The following DENND1B variants were observed in gnomAD, a reference collection of about 807,000 sequenced individuals.
DENND1B encodes the protein DENN domain-containing protein 1B.
In DENND1B, 59 loss-of-function variants were observed where a neutral mutation model predicts 90.1. The ratio of observed to expected loss-of-function variants is 0.65; its 90% CI spans 0.53 to 0.81. DENND1B has a LOEUF of 0.81. Ranked by LOEUF, DENND1B falls within the 40% of genes least tolerant of loss-of-function variation. DENND1B has a pLI of 0.00. For synonymous variants in DENND1B, 337 were observed against 324.6 expected, an observed-to-expected ratio of 1.04 and a Z score of -0.41; for missense variants, 862 against 912.6, an observed-to-expected ratio of 0.94 and a Z score of 0.71.
intron 20 of DENND1B, among the ~76,000 whole-genome samples, chr1:197,534,610 G>A (rs974219189): frequency 6.6e-6 from 1 of 152,112 alleles, no homozygotes; most frequent in African/African-American, 2.4e-5. Context: ...GGCCTTAACA[G>A]CTTCTTAACT....
Position 197,505,796 on chromosome 1 carries a change from A to G in DENND1B, c.*4664T>C, listed in dbSNP as rs1667703146. ...TTCATCACAAAGGATACTACAATCC[A>G]CATATGTAATCATCAGCATACAAAT... is the stretch of plus-strand genomic sequence containing the variant. On this transcript the variant is annotated 3_prime_UTR_variant, in exon 23 of 23. Coordinates refer to ENST00000620048, the MANE Select transcript of DENND1B (RefSeq NM_001195215.2). 6.6e-6 allele frequency: 1 copy of G among 151,734 alleles called. No individual in the cohort carries two copies. The highest frequency in any genetic ancestry group is 2.1e-4 in the South Asian group (1 of 4,834). The allele number at this position is 151,734 out of a possible 1,614,324, so 9.4% of individuals were successfully genotyped here. A position where few individuals can be genotyped will look rare whatever the true frequency, so the allele number is the denominator to read the frequency against.
intron 3 of DENND1B, among the ~76,000 whole-genome samples, chr1:197,693,836 C>T (rs1658159401): frequency 6.6e-6 from 1 of 151,494 alleles, no homozygotes; most frequent in African/African-American, 2.4e-5. Flanking sequence ...TAGAATAACC[C>T]CCACATCCAG....
chr1:197,690,600 A>G (rs1328830149), intron 3 of DENND1B: 3 of 245,606 alleles, frequency 1.2e-5, no homozygotes, highest in Non-Finnish European at 2.4e-5. Context: ...TGGGAAGGTC[A>G]GCAAGTCTGC....
intron 7 of DENND1B, among the ~76,000 whole-genome samples, chr1:197,648,470 C>A (rs1001924340): frequency 1.3e-5 from 2 of 151,836 alleles, no homozygotes; most frequent in African/African-American, 4.8e-5. Context: ...ATTTATTTAC[C>A]CCTGAGCAAA....
chr1:197,660,105 G>A (rs1654258245), intron 5 of DENND1B, among the ~76,000 whole-genome samples: 1 of 151,578 alleles, frequency 6.6e-6, no homozygotes, highest in African/African-American at 2.4e-5. Flanking sequence ...TAGACAGGAA[G>A]AAAGAGCTTT....
chr1:197,774,154 CACTT>C lies in DENND1B; in HGVS notation c.17+981_17+984del, dbSNP rs1184322479. ...TGTCAAGAAGCATACTATTTTTACT[CACTT>C]ACCCTGCCCACCATGATGTCAAACA... On this transcript the variant is annotated intron_variant, in intron 1 of 22. Coordinates refer to ENST00000620048, the MANE Select transcript of DENND1B (RefSeq NM_001195215.2). 1.8e-4 allele frequency among the ~76,000 whole-genome samples: 28 copies of C among 152,292 alleles called. 1 individual carries two copies. The highest frequency in any genetic ancestry group is 5.9e-4 in the Admixed American group (9 of 15,298).
intron 2 of DENND1B, among the ~76,000 whole-genome samples, chr1:197,717,809 T>C (rs1391154408): frequency 1.3e-5 from 2 of 152,024 alleles, no homozygotes; most frequent in Admixed American, 6.6e-5. Context: ...AGTGTGATTC[T>C]ACTACACTAC....
intron 16 of DENND1B, among the ~76,000 whole-genome samples, chr1:197,551,552 C>A (rs1462751498): frequency 6.6e-6 from 1 of 152,076 alleles, no homozygotes; most frequent in Non-Finnish European, 1.5e-5. Context: ...GGCCCTCCCA[C>A]CAGAAAAGCC....
chr1:197,685,061 T>C (rs1657094601), intron 3 of DENND1B, among the ~76,000 whole-genome samples: 4 of 152,234 alleles, frequency 2.6e-5, no homozygotes, highest in Admixed American at 2.6e-4. Context: ...GAGGTTGCAG[T>C]GAGCCGAGAT....
At chr1:197,550,245 G>A (rs1671114173) in intron 16 of DENND1B, among the ~76,000 whole-genome samples, 1 of 151,988 alleles carries the variant, frequency 6.6e-6, no homozygotes, top group Admixed American at 6.6e-5. Context: ...AGTAGGAAAG[G>A]GTTAAGTATT....
chr1:197,707,114 A>T (rs1363257693), intron 3 of DENND1B, among the ~76,000 whole-genome samples: 2 of 152,224 alleles, frequency 1.3e-5, no homozygotes, highest in African/African-American at 2.4e-5. Context: ...TCATGGCAAC[A>T]CAGATGGGCT....
At chr1:197,768,171 T>A (rs1423795963) in intron 2 of DENND1B, among the ~76,000 whole-genome samples, 2 of 151,436 alleles carry the variant, frequency 1.3e-5, no homozygotes, top group Non-Finnish European at 2.9e-5. Context: ...CTCCTCTTCG[T>A]CGTCCTCCTC....
At chr1:197,748,784 C>G in intron 2 of DENND1B, among the ~76,000 whole-genome samples, 1 of 152,160 alleles carries the variant, frequency 6.6e-6, no homozygotes. Context: ...ATTTCCAAAA[C>G]TGTAAGATAA....
chr1:197,535,351 C>A (rs1479923959), intron 20 of DENND1B, among the ~76,000 whole-genome samples: 1 of 152,104 alleles, frequency 6.6e-6, no homozygotes, highest in Non-Finnish European at 1.5e-5. Context: ...TGTTCTAAGA[C>A]CCCCACTGGG....
intron 10 of DENND1B, among the ~76,000 whole-genome samples, chr1:197,620,556 T>C (rs959879873): frequency 9.9e-5 from 15 of 151,348 alleles, no homozygotes; most frequent in African/African-American, 3.6e-4. Flanking sequence ...CCCTGGTGGC[T>C]AACGGAATAC....
intron 11 of DENND1B, among the ~76,000 whole-genome samples, chr1:197,613,257 T>A (rs978573512): frequency 2.0e-5 from 3 of 150,780 alleles, no homozygotes; most frequent in African/African-American, 7.3e-5. Flanking sequence ...GTTCCAAATT[T>A]ATTTAAAGAT....
At chr1:197,569,073 C>T (rs1218092249) in intron 15 of DENND1B, among the ~76,000 whole-genome samples, 1 of 151,696 alleles carries the variant, frequency 6.6e-6, no homozygotes, top group African/African-American at 2.4e-5. Context: ...AGAACTCAAA[C>T]AAATTAATAA....
chr1:197,529,308 ATGTATATATATGTG>A (rs1473307558), intron 20 of DENND1B, among the ~76,000 whole-genome samples: 4 of 147,136 alleles, frequency 2.7e-5, no homozygotes, highest in African/African-American at 2.5e-5. Context: ...ATGTGTATAT[ATGTATATATATGTG>A]TGTATATATA....
intron 2 of DENND1B, among the ~76,000 whole-genome samples, chr1:197,767,489 A>T (rs986701173): frequency 6.6e-6 from 1 of 152,200 alleles, no homozygotes; most frequent in African/African-American, 2.4e-5. Context: ...TGCAGATAAG[A>T]AAAATTGATA....
Sources: allele counts gnomAD v4.1 joint callset (sites outside exome capture counted in the v4.1 genomes callset), GRCh38; gene constraint gnomAD v4.1.1; transcripts MANE v1.5; gene names NCBI Gene and HGNC (gene_info 2026-07-23, HGNC 2026-07-21).